The following RELT variants were observed in gnomAD, a reference collection of about 807,000 sequenced individuals.
The protein encoded by RELT is RELT TNF receptor.
In RELT, 37 loss-of-function variants were observed where a neutral mutation model predicts 51.1. That is an observed-to-expected ratio of 0.72 (90% confidence interval 0.56 to 0.95). RELT has a LOEUF of 0.95. Ranked by LOEUF, RELT falls within the 40% of genes least tolerant of loss-of-function variation. The pLI, the probability that RELT is intolerant of heterozygous loss-of-function variation, is 0.00. For missense variants in RELT, 535 were observed against 572.6 expected (o/e 0.93, Z 0.67); for synonymous variants, 241 against 235.7 (o/e 1.02, Z -0.21).
chr11:73,381,622 C>G (rs1297901134), intron 1 of RELT, among the ~76,000 whole-genome samples: 1 of 152,192 alleles, frequency 6.6e-6, no homozygotes, highest in African/African-American at 2.4e-5. Flanking sequence ...GTAAGAAGAG[C>G]CCCTGTTGCC....
chr11:73,389,225 C>G, intron 2 of RELT, 44 bp downstream of exon 2: 1 of 1,345,718 alleles, frequency 7.4e-7, no homozygotes, highest in Non-Finnish European at 1.0e-6. Context: ...GCCGCACCCT[C>G]AGCCCTGCAG....
chr11:73,396,921 AAGC>A lies in RELT; in HGVS notation c.*1433_*1435del, dbSNP rs1459509660. The A allele has an allele frequency of 6.6e-6, 1 of 152,168 alleles. No individual in the cohort carries two copies. The highest frequency in any genetic ancestry group is 1.5e-5 in the Non-Finnish European group (1 of 67,984). 9.4% of individuals were successfully genotyped at this position (152,168 alleles called of 1,614,324 possible). A position where few individuals can be genotyped will look rare whatever the true frequency, so the allele number is the denominator to read the frequency against. ...CAGTCACATTTCAAAAAGTAAAAAG[AAGC>A]AGGTGAACTTAATTTTTTTTTAACC... On this transcript the variant is annotated 3_prime_UTR_variant, in exon 11 of 11. Transcript: ENST00000064780.
chr11:73,395,398 A>C (rs779202908), intron 10 of RELT, 46 bp from the exon 11 acceptor site: 7 of 1,239,432 alleles, frequency 5.6e-6, no homozygotes, highest in Non-Finnish European at 8.4e-6. Context: ...CTGGAGCCAG[A>C]AGCCAGCCCC....
rs139273990 is a variant in RELT at position 73,389,664 on chromosome 11, T to C, written c.45+483T>C. ...GTCCACATTACAGACTTGCAGCATC[T>C]TGGGGTCTGCCCTGGGGCCCATCTT... is the stretch of plus-strand genomic sequence containing the variant. On this transcript the variant is annotated intron_variant, in intron 2 of 10. Coordinates refer to ENST00000064780, the MANE Select transcript of RELT (RefSeq NM_152222.2). 1.3e-3 allele frequency among the ~76,000 whole-genome samples: 200 copies of C among 152,364 alleles called. 2 individuals carry two copies. Among genetic ancestry groups the C allele is most frequent in the African/African-American group, 4.6e-3 (193 of 41,592 alleles).
intron 10 of RELT, 28 bp from the exon 11 acceptor site, chr11:73,395,416 G>A (rs1259870664): frequency 1.9e-6 from 2 of 1,046,570 alleles, no homozygotes; most frequent in Non-Finnish European, 3.0e-6. Context: ...CCCTGACTCA[G>A]CTCTGACCCC....
chr11:73,389,440 C>T (rs939381266), intron 2 of RELT, among the ~76,000 whole-genome samples: 3 of 152,192 alleles, frequency 2.0e-5, no homozygotes, highest in African/African-American at 7.2e-5. Flanking sequence ...CCCATTGGCA[C>T]GCAGGCATGA....
chr11:73,387,902 C>T (rs1489298885), intron 1 of RELT, among the ~76,000 whole-genome samples: 1 of 152,196 alleles, frequency 6.6e-6, no homozygotes, highest in Non-Finnish European at 1.5e-5. Flanking sequence ...CCAGGCTGCC[C>T]CTGGGCTTAA....
At chr11:73,390,423 C>A in intron 2 of RELT, 128 bp from the exon 3 acceptor site, 2 of 809,288 alleles carry the variant, frequency 2.5e-6, no homozygotes, top group Non-Finnish European at 2.1e-6. Context: ...GAGTGTGTCC[C>A]TGAAGCCCGG....
At chr11:73,382,514 T>C (rs1866065779) in intron 1 of RELT, among the ~76,000 whole-genome samples, 1 of 152,192 alleles carries the variant, frequency 6.6e-6, no homozygotes, top group South Asian at 2.1e-4. Flanking sequence ...GGGCCAGGGT[T>C]GGCAACACAG....
At chr11:73,393,772 C>G (rs1866258456) in intron 6 of RELT, 65 bp from the exon 7 acceptor site, 2 of 1,582,378 alleles carry the variant, frequency 1.3e-6, no homozygotes, top group Non-Finnish European at 1.7e-6. Context: ...GCTGGCAGAT[C>G]ATGGTTTAGC....
In RELT at chr11:73,397,191, G is replaced by A; in HGVS notation, c.*1700G>A. ...GGGTGAGGAAGATGTGCGGGCCAGG[G>A]AATGTGTTCCACAGAGAGGGACAGC... On this transcript the variant is annotated 3_prime_UTR_variant, in exon 11 of 11. Coordinates refer to ENST00000064780, the MANE Select transcript of RELT (RefSeq NM_152222.2). 1 of 152,386 alleles carries A rather than the reference G, an allele frequency of 6.6e-6. No individual in the cohort carries two copies. Among genetic ancestry groups the A allele is most frequent in the Non-Finnish European group, 1.5e-5 (1 of 68,148 alleles). 9.4% of individuals were successfully genotyped at this position (152,386 alleles called of 1,614,324 possible).
intron 6 of RELT, chr11:73,392,993 C>T (rs79102832): frequency 1.3e-4 from 130 of 1,004,780 alleles, no homozygotes; most frequent in Non-Finnish European, 1.5e-4. Context: ...CCCCGGGCCC[C>T]TTTCCTTCTT....
At chr11:73,392,124 C>T (rs1866224617) in intron 5 of RELT, 87 bp from the exon 6 acceptor site, 1 of 1,464,922 alleles carries the variant, frequency 6.8e-7, no homozygotes, top group Non-Finnish European at 9.2e-7. Flanking sequence ...TCTCCTGCAG[C>T]CCCCACTGAC....
chr11:73,388,463 G>A lies in RELT; in HGVS notation c.-25-649G>A, dbSNP rs966668727. Among the ~76,000 whole-genome samples, 44 of 152,224 alleles carry A rather than the reference G, an allele frequency of 2.9e-4. No homozygotes were observed. The highest frequency in any genetic ancestry group is 1.1e-3 in the African/African-American group (44 of 41,452). ...GGGAGGAGTCAGCCTCCCTGGAAGA[G>A]GTGTGGACAGTGGCCATGCAGAAGG... On this transcript the variant is annotated intron_variant, in intron 1 of 10. Transcript: ENST00000064780. The surrounding 1 kb of genome is among the most constrained non-coding windows in gnomAD (Gnocchi z 4.1).
At position 73,392,333 on chromosome 11, in the gene RELT, G is replaced by A. The variant is rs1565223128; in HGVS notation, c.490G>A (p.Ala164Thr). 9 of 1,613,610 alleles carry A rather than the reference G, an allele frequency of 5.6e-6. No homozygotes were observed. The highest frequency in any genetic ancestry group is 2.2e-5 in the East Asian group (1 of 44,878). ...CCCAGAGGAGACAGCCGCCCAGTAC[G>A]CGGTCATCGCCATCGTCCCTGTCTT... is the stretch of plus-strand genomic sequence containing the variant. ...GGPEETAAQY[A>T]VIAIVPVFCL... Residue 164 changes from alanine to threonine, a missense_variant, in exon 6 of 11, where the codon GCG becomes ACG. Transcript: ENST00000064780.
rs1307738207 is a variant in RELT, at chr11:73,391,166, C to T, written c.310C>T (p.Pro104Ser). Residue 104 changes from proline (P) to serine (S), a missense_variant, in exon 5 of 11, where the codon CCC (proline) becomes TCC (serine). Physicochemically the swap from Pro to Ser is moderately conservative, Grantham distance 74. Coordinates refer to ENST00000064780, the MANE Select transcript of RELT (RefSeq NM_152222.2). Reference protein sequence around the residue: ...WPGWFGPWGVPRVPCQPCSWA... With the variant: ...WPGWFGPWGVSRVPCQPCSWA... ...CAGGTGGTTTGGGCCTTGGGGGGTT[C>T]CCCGCGTTCCATGTCAACCATGTTC... 1 of 1,613,674 alleles carries T rather than the reference C, an allele frequency of 6.2e-7. No individual in the cohort carries two copies. The highest frequency in any genetic ancestry group is 2.2e-5 in the East Asian group (1 of 44,880).
intron 1 of RELT, among the ~76,000 whole-genome samples, chr11:73,387,323 C>A (rs988373523): frequency 1.3e-5 from 2 of 152,140 alleles, no homozygotes; most frequent in Non-Finnish European, 2.9e-5. Flanking sequence ...GGACTTGGGG[C>A]TCGTGGTCAG....
chr11:73,381,374 A>T (rs938304203), intron 1 of RELT, among the ~76,000 whole-genome samples: 1 of 152,166 alleles, frequency 6.6e-6, no homozygotes, highest in Non-Finnish European at 1.5e-5. Context: ...GAGGAGGAGC[A>T]GTGAGAGGGG....
chr11:73,392,043 A>G (rs1866223199), intron 5 of RELT, 168 bp from the exon 6 acceptor site: 2 of 773,108 alleles, frequency 2.6e-6, no homozygotes, highest in Non-Finnish European at 4.1e-6. Flanking sequence ...CAGAAGGGAA[A>G]ACAGGAGGGC....
Sources: gnomAD v4.1 joint callset for allele counts (sites outside exome capture counted in the v4.1 genomes callset) on GRCh38, gnomAD v4.1.1 for gene constraint, Gnocchi (gnomAD v3.1) non-coding constraint, MANE v1.5 for transcripts, NCBI Gene and HGNC (gene_info 2026-07-23, HGNC 2026-07-21) for gene names.